The following HSD17B4 variants were observed in gnomAD, a reference collection of about 807,000 sequenced individuals.
HSD17B4 encodes the protein hydroxysteroid 17-beta dehydrogenase 4.
A neutral mutation model predicts 101.0 loss-of-function variants in HSD17B4; 70 were observed. The ratio of observed to expected loss-of-function variants is 0.69; its 90% CI spans 0.57 to 0.85. The LOEUF (loss-of-function observed/expected upper bound fraction) is 0.85. Among genes scored for constraint, HSD17B4 ranks in the 40% least tolerant of loss-of-function variants. The pLI is 0.00. For missense variants in HSD17B4, 984 were observed against 892.4 expected (o/e 1.10, Z -1.31); for synonymous variants, 347 against 297.1 (o/e 1.17, Z -1.73).
At position 119,493,799 on chromosome 5, in the gene HSD17B4, G is replaced by T; in HGVS notation, c.740-19G>T. On this transcript the variant is annotated intron_variant, in intron 10 of 23. Coordinates refer to ENST00000510025, the MANE Select transcript of HSD17B4 (RefSeq NM_000414.4). The stretch of plus-strand genomic sequence containing the variant: ...TCTCAACTATGTGCTCAGTATGTTA[G>T]TTTTGTTTCTATAACCAGTACGCTG... The T allele has an allele frequency of 6.2e-7, 1 of 1,610,608 alleles. No individual in the cohort carries two copies. The highest frequency in any genetic ancestry group is 1.7e-5 in the Admixed American group (1 of 59,874).
rs73790877 is a variant in HSD17B4, at chr5:119,501,800, A to G, written c.1210-241A>G. Among the ~76,000 whole-genome samples, 314 of 152,294 alleles carry G rather than the reference A, an allele frequency of 2.1e-3. 2 individuals are homozygous for G. The highest frequency in any genetic ancestry group is 7.3e-3 in the African/African-American group (303 of 41,564). On this transcript the variant is annotated intron_variant, in intron 13 of 23. Coordinates refer to ENST00000510025, the MANE Select transcript of HSD17B4 (RefSeq NM_000414.4). ...TGTAATTAACAGTCAACAAGGCTTT[A>G]TGAACGCCAAGAAAGAACACAAATA...
At chr5:119,485,279 T>C (rs989418454) in intron 8 of HSD17B4, among the ~76,000 whole-genome samples, 1 of 152,178 alleles carries the variant, frequency 6.6e-6, no homozygotes, top group Non-Finnish European at 1.5e-5. Flanking sequence ...GATTTTAAAT[T>C]TGTTTTTCTT....
chr5:119,502,006 A>T (rs1054827626), intron 13 of HSD17B4, 35 bp from the exon 14 acceptor site: 17 of 1,360,074 alleles, frequency 1.2e-5, no homozygotes, highest in African/African-American at 2.9e-5. Context: ...GGAGCAAGAA[A>T]GTTTGCTAAT....
At chr5:119,474,582 T>G in intron 4 of HSD17B4, 122 bp downstream of exon 4, 1 of 744,772 alleles carries the variant, frequency 1.3e-6, no homozygotes, top group East Asian at 2.6e-5. Context: ...TTTTAAAATT[T>G]GATTTATAAG....
intron 7 of HSD17B4, 152 bp from the exon 8 acceptor site, chr5:119,478,682 A>G: frequency 1.8e-6 from 1 of 569,336 alleles, no homozygotes. Flanking sequence ...ATATATTAAT[A>G]TTATTTTAGT....
rs183370748 is a variant in HSD17B4, at chr5:119,504,990, C to T, written c.1262-1828C>T. ...TATGGCTAGCCAGTTATCTCAGCAC[C>T]GTTTATTGAATAGGGAGTCCTTTCC... On this transcript the variant is annotated intron_variant, in intron 14 of 23. Transcript: ENST00000510025. 7.9e-5 allele frequency among the ~76,000 whole-genome samples: 12 copies of T among 152,200 alleles called. No individual in the cohort carries two copies. In the East Asian group the frequency reaches 1.5e-3, roughly 20 times the overall value.
At chr5:119,458,486 C>T (rs532160201) in intron 2 of HSD17B4, among the ~76,000 whole-genome samples, 6 of 150,564 alleles carry the variant, frequency 4.0e-5, no homozygotes, top group South Asian at 2.1e-4. Flanking sequence ...GGATTACAGG[C>T]GCCTGCCACC....
chr5:119,512,506 C>T (rs1305549199), intron 16 of HSD17B4, among the ~76,000 whole-genome samples: 1 of 151,498 alleles, frequency 6.6e-6, no homozygotes, highest in African/African-American at 2.4e-5. Context: ...TCTGACTTCT[C>T]ATCAGAAACA....
At chr5:119,454,111 C>G (rs1754354337) in intron 1 of HSD17B4, among the ~76,000 whole-genome samples, 1 of 152,174 alleles carries the variant, frequency 6.6e-6, no homozygotes, top group African/African-American at 2.4e-5. Flanking sequence ...GTATTTAAAA[C>G]CAGTTCATGA....
intron 22 of HSD17B4, 107 bp downstream of exon 22, chr5:119,531,511 G>A (rs562364129): frequency 7.8e-5 from 90 of 1,160,914 alleles, no homozygotes; most frequent in South Asian, 3.2e-4. Flanking sequence ...TACCTTTTTA[G>A]GTAAGTTTTT....
At position 119,527,004 on chromosome 5, in the gene HSD17B4, A is replaced by G. The variant is rs1027913452; in HGVS notation, c.1681-129A>G. The G allele has an allele frequency of 4.6e-6, 3 of 652,020 alleles. No individual in the cohort carries two copies. The African/African-American group carries it at 5.5e-5, about 12-fold the overall frequency. The allele number at this position is 652,020 out of a possible 1,614,324, so 40.4% of individuals were successfully genotyped here. A position where few individuals can be genotyped will look rare whatever the true frequency, so the allele number is the denominator to read the frequency against. Reference sequence around the variant, plus strand: ...CATATTATACTTAGGTCTTTTATGAATTTAAATATCTTTAAACCTTGATTT... The same window carrying G: ...CATATTATACTTAGGTCTTTTATGAGTTTAAATATCTTTAAACCTTGATTT... On this transcript the variant is annotated intron_variant, in intron 19 of 23. Coordinates refer to ENST00000510025, the MANE Select transcript of HSD17B4 (RefSeq NM_000414.4).
rs759069970 is a variant in HSD17B4 at position 119,474,018 on chromosome 5, A to G, written c.220+3A>G. Reference sequence around the variant, plus strand: ...TGGAAAAGCAGTGGCCAACTATGGTATGGTATTTGAGAGAACTATACTATT... The same window carrying G: ...TGGAAAAGCAGTGGCCAACTATGGTGTGGTATTTGAGAGAACTATACTATT... On this transcript the variant is annotated splice_donor_region_variant and intron_variant, in intron 3 of 23. Transcript: ENST00000510025. 8.9e-6 allele frequency: 13 copies of G among 1,457,642 alleles called. No homozygotes were observed. Among genetic ancestry groups the G allele is most frequent in the South Asian group, 4.6e-5 (4 of 87,006 alleles). 90.3% of individuals were successfully genotyped at this position (1,457,642 alleles called of 1,614,324 possible).
chr5:119,466,721 CT>C (rs1755848594), intron 2 of HSD17B4, among the ~76,000 whole-genome samples: 1 of 151,306 alleles, frequency 6.6e-6, no homozygotes, highest in East Asian at 1.9e-4. Flanking sequence ...TTTTGTTTAT[CT>C]TTTCAAAAAA....
In HSD17B4 at chr5:119,531,390, T is replaced by C. The variant is rs370202729; in HGVS notation, c.1979T>C (p.Ile660Thr). 2.5e-6 allele frequency: 4 copies of C among 1,613,264 alleles called. No individual in the cohort carries two copies. The highest frequency in any genetic ancestry group is 2.2e-5 in the East Asian group (1 of 44,880). The change falls in exon 22 of 24, where the codon ATT (isoleucine) becomes ACT (threonine). Residue 660 changes from isoleucine (I) to threonine (T), a missense_variant. Physicochemically the swap from Ile to Thr is moderately conservative, Grantham distance 89 (BLOSUM62 -1). Transcript: ENST00000510025. ...TGGCATATAACCAAAGGCGGAAATA[T>C]TGGGGCTAAGTGGAGTAAGTTATAG... Reference protein sequence around the residue: ...FEWHITKGGNIGAKWTIDLKS... With the variant: ...FEWHITKGGNTGAKWTIDLKS...
intron 4 of HSD17B4, among the ~76,000 whole-genome samples, chr5:119,474,976 A>T (rs1313400874): frequency 6.6e-6 from 1 of 152,166 alleles, no homozygotes; most frequent in Non-Finnish European, 1.5e-5. Flanking sequence ...TCTTAATAAA[A>T]GATTATTTAA....
chr5:119,460,037 A>ATT (rs56336192), intron 2 of HSD17B4, among the ~76,000 whole-genome samples: 3 of 146,972 alleles, frequency 2.0e-5, no homozygotes, highest in African/African-American at 7.5e-5. Flanking sequence ...TGCCCAGCTA[A>ATT]TTTTTTTTTT....
At chr5:119,520,413 A>T (rs1031494272) in intron 17 of HSD17B4, among the ~76,000 whole-genome samples, 1 of 152,100 alleles carries the variant, frequency 6.6e-6, no homozygotes, top group African/African-American at 2.4e-5. Flanking sequence ...TGAGACCCCC[A>T]TTTAGATTTC....
chr5:119,468,102 T>C (rs1033758772), intron 2 of HSD17B4, among the ~76,000 whole-genome samples: 1 of 152,208 alleles, frequency 6.6e-6, no homozygotes, highest in South Asian at 2.1e-4. Flanking sequence ...TGTTCTTTGT[T>C]CCTTTCTTTG....
Position 119,519,908 on chromosome 5 carries a change from C to T in HSD17B4, c.1503+4862C>T, listed in dbSNP as rs181950986. ...TTAAAAGAAAAAACTTCTTTTACAT[C>T]CTCTGGTCTCATAATCTGAGATATT... On this transcript the variant is annotated intron_variant, in intron 17 of 23. Transcript: ENST00000510025. Among the ~76,000 whole-genome samples the T allele has an allele frequency of 3.3e-5, 5 of 152,226 alleles. No homozygotes were observed. In the East Asian group the frequency reaches 9.6e-4, roughly 29 times the overall value.
Sources: gnomAD v4.1 joint callset for allele counts (sites outside exome capture counted in the v4.1 genomes callset) on GRCh38, gnomAD v4.1.1 for gene constraint, MANE v1.5 for transcripts, NCBI Gene and HGNC (gene_info 2026-07-23, HGNC 2026-07-21) for gene names.